Variants in TTBK2 observed in about 807,000 individuals in gnomAD.
TTBK2 encodes tau-tubulin kinase 2.
In TTBK2, 28 loss-of-function variants were observed where a neutral mutation model predicts 110.8. The observed-to-expected ratio is 0.25, with a 90% CI of 0.19 to 0.35. The LOEUF (loss-of-function observed/expected upper bound fraction) is 0.35. Among genes scored for constraint, TTBK2 ranks in the 10% least tolerant of loss-of-function variants. TTBK2 has a pLI of 1.00. For synonymous variants in TTBK2, 532 were observed against 527.3 expected (o/e 1.01, Z -0.12); for missense variants, 1,369 against 1,500.3 (o/e 0.91, Z 1.45).
intron 1 of TTBK2, among the ~76,000 whole-genome samples, chr15:42,915,151 A>C (rs1357543807): frequency 6.6e-6 from 1 of 152,226 alleles, no homozygotes; most frequent in Non-Finnish European, 1.5e-5. Context: ...TTAAATGGAG[A>C]ATTCCAGAAA....
chr15:42,817,419 GGTAA>G (rs1234688764), intron 6 of TTBK2, among the ~76,000 whole-genome samples: 6 of 152,024 alleles, frequency 3.9e-5, no homozygotes, highest in South Asian at 4.2e-4. Context: ...CCATAATCGT[GGTAA>G]GTATCATAGT....
At chr15:42,912,618 G>A (rs1269534696) in intron 1 of TTBK2, among the ~76,000 whole-genome samples, 1 of 151,828 alleles carries the variant, frequency 6.6e-6, no homozygotes, top group Non-Finnish European at 1.5e-5. Context: ...GGCTGAGGCA[G>A]GAGAATTGCT....
intron 3 of TTBK2, among the ~76,000 whole-genome samples, chr15:42,856,610 T>C (rs1056083077): frequency 1.3e-5 from 2 of 152,224 alleles, no homozygotes; most frequent in Non-Finnish European, 2.9e-5. Context: ...GTTCACATTA[T>C]TAAGAAAAGA....
At chr15:42,785,070 T>TC (rs1890348141) in intron 10 of TTBK2, among the ~76,000 whole-genome samples, 1 of 152,068 alleles carries the variant, frequency 6.6e-6, no homozygotes, top group South Asian at 2.1e-4. Context: ...ATCAGCTATG[T>TC]TATTTTTTTA....
At chr15:42,801,422 A>G (rs759562574) in intron 9 of TTBK2, 5 of 1,031,774 alleles carry the variant, frequency 4.8e-6, no homozygotes, top group African/African-American at 1.6e-5. Context: ...GGCAGCCTCC[A>G]GGGAAGCCCT....
At chr15:42,797,157 T>C (rs1890979498) in intron 9 of TTBK2, among the ~76,000 whole-genome samples, 1 of 152,228 alleles carries the variant, frequency 6.6e-6, no homozygotes, top group African/African-American at 2.4e-5. Context: ...AGATGCATGC[T>C]TCCTGGAAGG....
chr15:42,866,305 G>A (rs1332917576), intron 3 of TTBK2, among the ~76,000 whole-genome samples: 2 of 151,914 alleles, frequency 1.3e-5, no homozygotes, highest in Non-Finnish European at 2.9e-5. Context: ...AATAATAAAA[G>A]AAGAGTATTA....
intron 3 of TTBK2, among the ~76,000 whole-genome samples, chr15:42,866,844 G>GT (rs1894389149): frequency 6.6e-6 from 1 of 152,152 alleles, no homozygotes; most frequent in African/African-American, 2.4e-5. Context: ...ATCATAAGAA[G>GT]TTTTAAACTA....
At chr15:42,914,911 G>C (rs1165750118) in intron 1 of TTBK2, among the ~76,000 whole-genome samples, 4 of 152,146 alleles carry the variant, frequency 2.6e-5, no homozygotes, top group Non-Finnish European at 5.9e-5. Flanking sequence ...TGGAACACTT[G>C]TAATTCCTTC....
At chr15:42,907,264 T>C (rs1010114536) in intron 1 of TTBK2, among the ~76,000 whole-genome samples, 2 of 152,186 alleles carry the variant, frequency 1.3e-5, no homozygotes, top group Non-Finnish European at 2.9e-5. Context: ...ATGGAGGCGC[T>C]ATAGAGGTTC....
chr15:42,909,625 C>T (rs1195794185), intron 1 of TTBK2, among the ~76,000 whole-genome samples: 17 of 151,974 alleles, frequency 1.1e-4, no homozygotes, highest in Admixed American at 6.6e-5. Flanking sequence ...CGCAAAACTA[C>T]GCTAAAAAGA....
intron 1 of TTBK2, among the ~76,000 whole-genome samples, chr15:42,908,589 A>G (rs897295817): frequency 1.3e-5 from 2 of 152,236 alleles, no homozygotes; most frequent in African/African-American, 4.8e-5. Context: ...TATTTAAATT[A>G]AAAAGTGAGG....
rs753287119 is a variant in TTBK2, at chr15:42,840,403, C to A, written c.248G>T (p.Cys83Phe). 6.2e-7 allele frequency: 1 copy of A among 1,613,992 alleles called. No homozygotes were observed. The highest frequency in any genetic ancestry group is 1.1e-5 in the South Asian group (1 of 91,072). Residue 83 changes from cysteine (C) to phenylalanine (F), a missense_variant, in exon 4 of 15, where the codon TGT becomes TTT. Transcript: ENST00000267890. Reference protein sequence around the residue: ...GKDHVCRFIGCGRNDRFNYVV... With the variant: ...GKDHVCRFIGFGRNDRFNYVV... ...ATAGTTGAATCGATCATTCCTCCCA[C>A]AGCCAATAAATCTACAAACATGGTC... is the stretch of plus-strand genomic sequence containing the variant.
intron 7 of TTBK2, among the ~76,000 whole-genome samples, chr15:42,815,991 C>T (rs1307026537): frequency 1.2e-5 from 1 of 83,760 alleles, no homozygotes. Flanking sequence ...GAGACGGAGT[C>T]TTGCTCTGTC....
intron 1 of TTBK2, among the ~76,000 whole-genome samples, chr15:42,888,135 C>G (rs1279858038): frequency 6.6e-6 from 1 of 152,178 alleles, no homozygotes; most frequent in Non-Finnish European, 1.5e-5. Context: ...GTGACCACCA[C>G]TGCTTTAATA....
chr15:42,844,596 T>C (rs1893369490), intron 3 of TTBK2, among the ~76,000 whole-genome samples: 1 of 152,220 alleles, frequency 6.6e-6, no homozygotes, highest in African/African-American at 2.4e-5. Context: ...GCACACATAA[T>C]ATGCAAGCAT....
At chr15:42,839,832 C>T (rs1893148174) in intron 4 of TTBK2, among the ~76,000 whole-genome samples, 1 of 152,152 alleles carries the variant, frequency 6.6e-6, no homozygotes, top group Non-Finnish European at 1.5e-5. Context: ...CCCTTCTTCA[C>T]CTTCCTTGCT....
At chr15:42,863,653 G>A (rs765813194) in intron 3 of TTBK2, among the ~76,000 whole-genome samples, 3 of 152,006 alleles carry the variant, frequency 2.0e-5, no homozygotes, top group Non-Finnish European at 2.9e-5. Flanking sequence ...AAAGAACAAA[G>A]CATCACATTA....
intron 1 of TTBK2, among the ~76,000 whole-genome samples, chr15:42,890,769 A>G (rs1169382529): frequency 1.3e-5 from 2 of 152,102 alleles, no homozygotes; most frequent in Non-Finnish European, 2.9e-5. Flanking sequence ...CATGACTAGA[A>G]CCTTCATCTC....
Sources: allele counts gnomAD v4.1 joint callset (sites outside exome capture counted in the v4.1 genomes callset), GRCh38; gene constraint gnomAD v4.1.1; transcripts MANE v1.5; gene names NCBI Gene and HGNC (gene_info 2026-07-23, HGNC 2026-07-21).